WDR70: variants seen among roughly 807,000 people sequenced by gnomAD.
The protein encoded by WDR70 is WD repeat-containing protein 70.
Under a neutral mutation model 88.6 loss-of-function variants are expected in WDR70, and 53 were observed. The observed-to-expected ratio is 0.60, with a 90% CI of 0.48 to 0.75. The LOEUF (loss-of-function observed/expected upper bound fraction) is 0.75, where lower values mean the gene tolerates loss of function less well. Among genes scored for constraint, WDR70 ranks in the 30% least tolerant of loss-of-function variants. The pLI is 0.00. For missense variants in WDR70, 610 were observed against 823.2 expected (o/e 0.74, Z 3.17); for synonymous variants, 280 against 270.0 (o/e 1.04, Z -0.36).
intron 13 of WDR70, among the ~76,000 whole-genome samples, chr5:37,712,110 A>G (rs1013411781): frequency 6.7e-6 from 1 of 149,910 alleles, no homozygotes; most frequent in Non-Finnish European, 1.5e-5. Flanking sequence ...CTCCTGCCTC[A>G]GCCTTCTGAG....
chr5:37,499,115 A>AT (rs1561876528), intron 8 of WDR70, among the ~76,000 whole-genome samples: 3 of 150,558 alleles, frequency 2.0e-5, no homozygotes, highest in Non-Finnish European at 4.4e-5. Flanking sequence ...CATGTTTGTC[A>AT]TTCTTTTTTT....
At chr5:37,700,313 T>A (rs545642793) in intron 11 of WDR70, 1 of 152,370 alleles carries the variant, frequency 6.6e-6, no homozygotes, top group Non-Finnish European at 1.5e-5. Flanking sequence ...AAGGGATTTT[T>A]AAAAATTTAT....
chr5:37,607,264 A>G (rs1294647024), intron 10 of WDR70, among the ~76,000 whole-genome samples: 2 of 151,802 alleles, frequency 1.3e-5, no homozygotes, highest in Non-Finnish European at 2.9e-5. Flanking sequence ...AAATTTCTTA[A>G]CTTTTTTTTC....
chr5:37,593,364 T>G (rs539734319), intron 9 of WDR70, among the ~76,000 whole-genome samples: 1 of 152,270 alleles, frequency 6.6e-6, no homozygotes, highest in South Asian at 2.1e-4. Flanking sequence ...GTGTTCTCAT[T>G]GTTCAATTCC....
At chr5:37,408,874 T>C (rs1270611675) in intron 5 of WDR70, among the ~76,000 whole-genome samples, 3 of 152,184 alleles carry the variant, frequency 2.0e-5, no homozygotes, top group Non-Finnish European at 2.9e-5. Context: ...GTGTAAAGTT[T>C]ATTGGTACTA....
At chr5:37,436,109 G>T (rs1032884330) in intron 5 of WDR70, among the ~76,000 whole-genome samples, 6 of 152,098 alleles carry the variant, frequency 3.9e-5, no homozygotes, top group Non-Finnish European at 7.4e-5. Flanking sequence ...AGTGCTTTGA[G>T]CAGCTGGTCA....
chr5:37,732,787 G>C (rs747431466), intron 17 of WDR70, among the ~76,000 whole-genome samples: 2 of 151,866 alleles, frequency 1.3e-5, no homozygotes, highest in South Asian at 2.1e-4. Context: ...CCAGTTAATC[G>C]TTTTTTATTT....
intron 13 of WDR70, among the ~76,000 whole-genome samples, chr5:37,703,371 T>A (rs1260027434): frequency 1.3e-5 from 2 of 152,194 alleles, no homozygotes; most frequent in African/African-American, 2.4e-5. Flanking sequence ...GATCATCATG[T>A]AGGATACAGA....
intron 8 of WDR70, among the ~76,000 whole-genome samples, chr5:37,482,279 G>A (rs1739696969): frequency 6.6e-6 from 1 of 151,982 alleles, no homozygotes; most frequent in Non-Finnish European, 1.5e-5. Flanking sequence ...TATTGTATTA[G>A]TCTGTTCTCA....
chr5:37,527,660 C>T (rs1432075152), intron 9 of WDR70, among the ~76,000 whole-genome samples: 1 of 152,152 alleles, frequency 6.6e-6, no homozygotes, highest in Admixed American at 6.6e-5. Flanking sequence ...AGAGCTTCTG[C>T]ACAGCAAAAG....
intron 3 of WDR70, among the ~76,000 whole-genome samples, chr5:37,382,577 A>G (rs1748461583): frequency 6.6e-6 from 1 of 151,914 alleles, no homozygotes; most frequent in South Asian, 2.1e-4. Context: ...ACGCCCAGCT[A>G]ATTTTTGTAT....
chr5:37,405,002 A>C (rs1428206337), intron 5 of WDR70, among the ~76,000 whole-genome samples: 1 of 152,148 alleles, frequency 6.6e-6, no homozygotes, highest in Non-Finnish European at 1.5e-5. Context: ...TGGCCAGGTC[A>C]GCTCTGTTTT....
rs1747896345 is a variant in WDR70 at position 37,723,894 on chromosome 5, G to C, written c.1597+960G>C. ...GTGTTGCCCAACTGAGTGACGGGTG[G>C]CTATGTTTCTCAGCTCCCCTGACTC... On this transcript the variant is annotated intron_variant, in intron 15 of 17. Transcript: ENST00000265107. The C allele has an allele frequency of 2.0e-5, 3 of 152,262 alleles. No individual in the cohort carries two copies. The East Asian group carries it at 5.8e-4, about 29-fold the overall frequency. The allele number at this position is 152,262 out of a possible 1,614,324, so 9.4% of individuals were successfully genotyped here.
chr5:37,733,991 T>A (rs992715024), intron 17 of WDR70, among the ~76,000 whole-genome samples: 1 of 152,070 alleles, frequency 6.6e-6, no homozygotes, highest in Non-Finnish European at 1.5e-5. Context: ...GCTACATATA[T>A]GTGTGTTATT....
chr5:37,590,075 T>G (rs1743486400), intron 9 of WDR70, among the ~76,000 whole-genome samples: 2 of 152,208 alleles, frequency 1.3e-5, no homozygotes. Context: ...ATCTGAGGTT[T>G]GCTGAAGTTT....
intron 10 of WDR70, among the ~76,000 whole-genome samples, chr5:37,616,907 C>G (rs1323516640): frequency 1.3e-5 from 2 of 151,800 alleles, no homozygotes; most frequent in East Asian, 3.8e-4. Flanking sequence ...GTTCCTTAAA[C>G]TTACTATCAA....
chr5:37,445,156 T>A (rs1477019524), intron 7 of WDR70, among the ~76,000 whole-genome samples: 1 of 152,204 alleles, frequency 6.6e-6, no homozygotes, highest in Non-Finnish European at 1.5e-5. Flanking sequence ...TCACTTCAGA[T>A]GGCATGTATT....
chr5:37,630,226 G>A (rs539732186), intron 10 of WDR70, among the ~76,000 whole-genome samples: 1 of 152,294 alleles, frequency 6.6e-6, no homozygotes, highest in Non-Finnish European at 1.5e-5. Context: ...TGTTACTCTA[G>A]CCAGGAGCAC....
chr5:37,402,919 TTTCCCTCC>T (rs1226106047), intron 5 of WDR70, among the ~76,000 whole-genome samples: 3 of 145,522 alleles, frequency 2.1e-5, no homozygotes, highest in African/African-American at 7.6e-5. Flanking sequence ...TCCTTCCCTC[TTTCCCTCC>T]TTCCCTCCCT....
Sources: allele counts gnomAD v4.1 joint callset (sites outside exome capture counted in the v4.1 genomes callset), GRCh38; gene constraint gnomAD v4.1.1; transcripts MANE v1.5; gene names NCBI Gene and HGNC (gene_info 2026-07-23, HGNC 2026-07-21).